CDH2: variants seen among roughly 807,000 people sequenced by gnomAD.
CDH2 encodes the protein cadherin 2.
A neutral mutation model predicts 92.0 loss-of-function variants in CDH2; 17 were observed. The ratio of observed to expected loss-of-function variants is 0.18; its 90% CI spans 0.13 to 0.28. The LOEUF is 0.28. CDH2 is among the 10% of genes least tolerant of loss of function. The probability of loss-of-function intolerance (pLI) is 1.00; values close to 1 mark genes in which losing one functional copy is unlikely to be tolerated. For synonymous variants in CDH2, 419 were observed against 415.9 expected (o/e 1.01, Z -0.09); for missense variants, 862 against 1,133.1 (o/e 0.76, Z 3.44).
At chr18:28,087,794 A>AAAAACAAAACAAAAC (rs146337361) in intron 2 of CDH2, among the ~76,000 whole-genome samples, 4 of 151,376 alleles carry the variant, frequency 2.6e-5, no homozygotes, top group African/African-American at 9.7e-5. Flanking sequence ...AATGAAAATA[A>AAAAACAAAACAAAAC]AAAACAAAAC....
In CDH2 at chr18:27,985,193, T is replaced by A. The variant is rs151218256; in HGVS notation, c.2016A>T (p.Glu672Asp). ...TGATGGGAACTTCATAGATACCAGC[T>A]TCAAGAAATTTTATCTTTAAATTAA... Reference protein sequence around the residue: ...AQLNLKIKFLEAGIYEVPIII... With the variant: ...AQLNLKIKFLDAGIYEVPIII... The change falls in exon 13 of 16, where the codon GAA becomes GAT. Residue 672 changes from glutamate (E) to aspartate (D), a missense_variant. Coordinates refer to ENST00000269141, the MANE Select transcript of CDH2 (RefSeq NM_001792.5). 2.0e-4 allele frequency: 321 copies of A among 1,612,842 alleles called. 1 individual carries two copies. The highest frequency in any genetic ancestry group is 8.8e-4 in the Admixed American group (53 of 60,018).
chr18:28,007,294 T>C (rs1352772011), intron 5 of CDH2, among the ~76,000 whole-genome samples: 30 of 151,530 alleles, frequency 2.0e-4, no homozygotes, highest in African/African-American at 7.0e-4. Flanking sequence ...AACAAAAATA[T>C]TCATTTGGCT....
chr18:28,110,245 G>T (rs1442974782), intron 2 of CDH2, among the ~76,000 whole-genome samples: 1 of 152,190 alleles, frequency 6.6e-6, no homozygotes, highest in Non-Finnish European at 1.5e-5. Context: ...TGCAGCCAAA[G>T]ACTAACATAA....
chr18:28,007,165 A>AAAAAATATATATATATATATAT (rs1172779200), intron 5 of CDH2, among the ~76,000 whole-genome samples: 4 of 110,494 alleles, frequency 3.6e-5, no homozygotes, highest in African/African-American at 8.9e-5. Flanking sequence ...ATAAAAAAAA[A>AAAAAATATATATATATATATAT]ATATATATAT....
rs1555632742 is a variant in CDH2, at chr18:28,007,165, A to AATAT, written c.703-1176_703-1173dup. Among the ~76,000 whole-genome samples, 886 of 110,398 alleles carry AATAT rather than the reference A, an allele frequency of 8.0e-3. 9 individuals are homozygous for AATAT. Among genetic ancestry groups the AATAT allele is most frequent in the East Asian group, 0.022 (94 of 4,350 alleles). 72.4% of individuals were successfully genotyped at this position (110,398 alleles called of 152,430 possible). ...ACAGAGTGAGACTCCATAAAAAAAA[A>AATAT]ATATATATATATATATATATATATA... On this transcript the variant is annotated intron_variant, in intron 5 of 15. Transcript: ENST00000269141.
At chr18:28,065,886 G>C (rs2014497058) in intron 2 of CDH2, among the ~76,000 whole-genome samples, 3 of 152,116 alleles carry the variant, frequency 2.0e-5, no homozygotes, top group Admixed American at 2.0e-4. Context: ...GTTCTAAGAA[G>C]ACCACAACAT....
chr18:28,067,508 T>C (rs1326547545), intron 2 of CDH2, among the ~76,000 whole-genome samples: 1 of 152,214 alleles, frequency 6.6e-6, no homozygotes, highest in Non-Finnish European at 1.5e-5. Context: ...GATTAGCTTC[T>C]TTCACTTAGC....
chr18:28,087,338 G>A (rs17468811), intron 2 of CDH2, among the ~76,000 whole-genome samples: 3 of 152,090 alleles, frequency 2.0e-5, no homozygotes, highest in Admixed American at 6.6e-5. Context: ...CAATAAGCCC[G>A]CCTAAAGAAA....
chr18:28,167,563 A>G (rs1262416450), intron 1 of CDH2, among the ~76,000 whole-genome samples: 1 of 152,104 alleles, frequency 6.6e-6, no homozygotes, highest in East Asian at 1.9e-4. Flanking sequence ...AGTATAAATG[A>G]GCAAAAAAAT....
intron 6 of CDH2, among the ~76,000 whole-genome samples, chr18:27,940,485 A>T (rs1047274910): frequency 6.6e-6 from 1 of 152,158 alleles, no homozygotes; most frequent in Non-Finnish European, 1.5e-5. Context: ...GATGCCTCTT[A>T]TTGTAAAGAA....
At chr18:27,939,591 G>A (rs1211843415) in intron 6 of CDH2, among the ~76,000 whole-genome samples, 1 of 152,160 alleles carries the variant, frequency 6.6e-6, no homozygotes, top group Non-Finnish European at 1.5e-5. Flanking sequence ...CGTTGCAGAT[G>A]TGGCCCTTGA....
At chr18:27,992,619 G>T in intron 9 of CDH2, 36 bp downstream of exon 9, 1 of 1,567,314 alleles carries the variant, frequency 6.4e-7, no homozygotes. Flanking sequence ...TTGCTGAGCA[G>T]CTGTTGGAGA....
At chr18:27,981,444 A>C (rs1384800292) in intron 14 of CDH2, among the ~76,000 whole-genome samples, 3 of 152,236 alleles carry the variant, frequency 2.0e-5, no homozygotes, top group Non-Finnish European at 4.4e-5. Flanking sequence ...ACAGCTTTAC[A>C]CATGAGTCAA....
intron 2 of CDH2, among the ~76,000 whole-genome samples, chr18:28,037,789 T>C (rs1007286592): frequency 1.3e-5 from 2 of 152,178 alleles, no homozygotes; most frequent in African/African-American, 2.4e-5. Context: ...AACTTAAATA[T>C]ACAGGCTGAA....
chr18:27,997,380 G>A (rs2012616479), intron 7 of CDH2, among the ~76,000 whole-genome samples: 1 of 152,198 alleles, frequency 6.6e-6, no homozygotes, highest in Non-Finnish European at 1.5e-5. Context: ...TTCACTAAGT[G>A]ATGGAGGCAG....
chr18:28,137,778 TA>T (rs2015888542), intron 2 of CDH2, among the ~76,000 whole-genome samples: 3 of 152,118 alleles, frequency 2.0e-5, no homozygotes, highest in South Asian at 2.1e-4. Flanking sequence ...ATATAATTTT[TA>T]TTTTTTTGTT....
intron 15 of CDH2, among the ~76,000 whole-genome samples, chr18:27,962,179 A>C (rs1246789442): frequency 6.6e-6 from 1 of 152,186 alleles, no homozygotes; most frequent in African/African-American, 2.4e-5. Flanking sequence ...AAGAGCTGGC[A>C]AAGTCAGGAC....
intron 1 of CDH2, among the ~76,000 whole-genome samples, chr18:28,170,387 C>T (rs1253930074): frequency 6.6e-6 from 1 of 152,076 alleles, no homozygotes; most frequent in African/African-American, 2.4e-5. Flanking sequence ...GCTCTGTTGC[C>T]CAGGCTGGAG....
At chr18:28,152,780 G>A (rs2016145146) in intron 1 of CDH2, among the ~76,000 whole-genome samples, 1 of 152,158 alleles carries the variant, frequency 6.6e-6, no homozygotes, top group Admixed American at 6.5e-5. Flanking sequence ...GGGAAAGTGT[G>A]TGTGTGATAG....
Sources: allele counts gnomAD v4.1 joint callset (sites outside exome capture counted in the v4.1 genomes callset), GRCh38; gene constraint gnomAD v4.1.1; transcripts MANE v1.5; gene names NCBI Gene and HGNC (gene_info 2026-07-23, HGNC 2026-07-21).